The following SSBP2 variants were observed in gnomAD, a reference collection of about 807,000 sequenced individuals.
SSBP2 encodes the protein single-stranded DNA-binding protein 2.
In SSBP2, 17 loss-of-function variants were observed where a neutral mutation model predicts 61.8. The ratio of observed to expected loss-of-function variants is 0.28; its 90% CI spans 0.19 to 0.41. SSBP2 has a LOEUF of 0.41. Ranked by LOEUF, SSBP2 falls within the 10% of genes least tolerant of loss-of-function variation. SSBP2 has a pLI of 1.00. For missense variants in SSBP2, 310 were observed against 458.7 expected, an observed-to-expected ratio of 0.68 and a Z score of 2.96; for synonymous variants, 139 against 141.3, an observed-to-expected ratio of 0.98 and a Z score of 0.12.
chr5:81,556,741 T>C (rs1235022793), intron 4 of SSBP2, among the ~76,000 whole-genome samples: 1 of 152,144 alleles, frequency 6.6e-6, no homozygotes, highest in Non-Finnish European at 1.5e-5. Flanking sequence ...CAAATTCTAT[T>C]GTCAAATTGC....
intron 1 of SSBP2, among the ~76,000 whole-genome samples, chr5:81,737,512 G>A (rs1756701749): frequency 6.6e-6 from 1 of 151,986 alleles, no homozygotes; most frequent in South Asian, 2.1e-4. Flanking sequence ...GCCAGGCGCG[G>A]TGGCTCACAC....
intron 1 of SSBP2, among the ~76,000 whole-genome samples, chr5:81,696,412 G>A (rs536397234): frequency 6.6e-6 from 1 of 152,218 alleles, no homozygotes; most frequent in East Asian, 1.9e-4. Flanking sequence ...CGTAAAGGAA[G>A]AAATTCCCTC....
At chr5:81,648,863 A>AT (rs1280060566) in intron 2 of SSBP2, among the ~76,000 whole-genome samples, 1 of 151,992 alleles carries the variant, frequency 6.6e-6, no homozygotes, top group Non-Finnish European at 1.5e-5. Context: ...TTAGTAATAT[A>AT]TTTTATTTTA....
intron 4 of SSBP2, among the ~76,000 whole-genome samples, chr5:81,610,720 G>A (rs1049493903): frequency 2.6e-5 from 4 of 152,196 alleles, no homozygotes; most frequent in Non-Finnish European, 4.4e-5. Context: ...TAGGCCAGGC[G>A]TGGTGGCTCA....
intron 1 of SSBP2, among the ~76,000 whole-genome samples, chr5:81,714,740 G>A (rs1386404343): frequency 6.6e-6 from 1 of 151,880 alleles, no homozygotes; most frequent in Non-Finnish European, 1.5e-5. Context: ...ACTTTTTGAT[G>A]GGCTTGTTTT....
intron 1 of SSBP2, among the ~76,000 whole-genome samples, chr5:81,730,332 C>T (rs1470422941): frequency 6.6e-6 from 1 of 152,180 alleles, no homozygotes; most frequent in Non-Finnish European, 1.5e-5. Context: ...TCAAGCAATC[C>T]TCCTGCCTCA....
chr5:81,586,056 G>A (rs762766050), intron 4 of SSBP2, among the ~76,000 whole-genome samples: 2 of 152,158 alleles, frequency 1.3e-5, no homozygotes, highest in South Asian at 2.1e-4. Context: ...TGACGGATAC[G>A]TAGGTTGATT....
intron 5 of SSBP2, among the ~76,000 whole-genome samples, chr5:81,504,762 G>C (rs1768051062): frequency 6.6e-6 from 1 of 152,078 alleles, no homozygotes; most frequent in Non-Finnish European, 1.5e-5. Context: ...TAAGTTCTAT[G>C]AAGACAAGAA....
At chr5:81,644,952 C>T (rs530044055) in intron 2 of SSBP2, among the ~76,000 whole-genome samples, 1 of 152,238 alleles carries the variant, frequency 6.6e-6, no homozygotes, top group African/African-American at 2.4e-5. Context: ...ACACATCAGG[C>T]ACATATTTAT....
intron 4 of SSBP2, among the ~76,000 whole-genome samples, chr5:81,591,870 G>T (rs192251902): frequency 6.7e-6 from 1 of 149,436 alleles, no homozygotes; most frequent in African/African-American, 2.4e-5. Flanking sequence ...CAAGATGGCC[G>T]AATAGGAACA....
intron 4 of SSBP2, among the ~76,000 whole-genome samples, chr5:81,545,284 C>T (rs1250600247): frequency 6.6e-6 from 1 of 152,160 alleles, no homozygotes; most frequent in Non-Finnish European, 1.5e-5. Context: ...TGAATTTTAT[C>T]TGGCAATCCT....
chr5:81,653,448 T>G (rs534856009), intron 1 of SSBP2, among the ~76,000 whole-genome samples: 1 of 152,348 alleles, frequency 6.6e-6, no homozygotes, highest in African/African-American at 2.4e-5. Flanking sequence ...TTCATAATCC[T>G]TTGGATATAT....
intron 15 of SSBP2, among the ~76,000 whole-genome samples, chr5:81,434,739 G>C (rs990553081): frequency 2.7e-5 from 4 of 150,372 alleles, no homozygotes; most frequent in African/African-American, 9.8e-5. Context: ...GGATGGAAAT[G>C]AATGATAATG....
intron 4 of SSBP2, among the ~76,000 whole-genome samples, chr5:81,580,100 T>C (rs1280100779): frequency 6.6e-6 from 1 of 152,040 alleles, no homozygotes; most frequent in East Asian, 1.9e-4. Context: ...TGGTTTCTGG[T>C]TTGAAAATGT....
intron 4 of SSBP2, among the ~76,000 whole-genome samples, chr5:81,602,207 G>C (rs1235579858): frequency 6.6e-6 from 1 of 152,112 alleles, no homozygotes; most frequent in African/African-American, 2.4e-5. Flanking sequence ...CAGAAGTTCA[G>C]GGATCCAAGA....
intron 11 of SSBP2, 42 bp from the exon 12 acceptor site, chr5:81,446,964 A>G (rs1408920121): frequency 2.7e-6 from 4 of 1,474,788 alleles, no homozygotes; most frequent in East Asian, 2.3e-5. Context: ...AAGGCATTGC[A>G]TAAGAAAAAA....
intron 1 of SSBP2, among the ~76,000 whole-genome samples, chr5:81,654,082 G>T (rs1750002005): frequency 6.6e-6 from 1 of 151,496 alleles, no homozygotes; most frequent in African/African-American, 2.4e-5. Flanking sequence ...GCCTGCCTCA[G>T]CCTCCCGAGC....
At chr5:81,514,759 T>A (rs1768884057) in intron 4 of SSBP2, among the ~76,000 whole-genome samples, 2 of 151,984 alleles carry the variant, frequency 1.3e-5, no homozygotes. Context: ...TAGCACACAT[T>A]TCCCAGTATA....
rs569427239 is a variant in SSBP2 at position 81,464,438 on chromosome 5, A to G, written c.638+2536T>C. On this transcript the variant is annotated intron_variant, in intron 9 of 16. Coordinates refer to ENST00000320672, the MANE Select transcript of SSBP2 (RefSeq NM_012446.5). ...TACAATACTGGTTACAGAAACATAG[A>G]AAGTAAGTTTTTCAGTGACACAATA... Among the ~76,000 whole-genome samples, 8 of 152,300 alleles carry G rather than the reference A, an allele frequency of 5.3e-5. No homozygotes were observed. The South Asian group carries it at 1.4e-3, about 28-fold the overall frequency.
Sources: gnomAD v4.1 joint callset for allele counts (sites outside exome capture counted in the v4.1 genomes callset) on GRCh38, gnomAD v4.1.1 for gene constraint, MANE v1.5 for transcripts, NCBI Gene and HGNC (gene_info 2026-07-23, HGNC 2026-07-21) for gene names.